Variants in FAM76A observed in about 807,000 individuals in gnomAD.
FAM76A encodes protein FAM76A.
A neutral mutation model predicts 46.2 loss-of-function variants in FAM76A; 32 were observed. The observed-to-expected ratio is 0.69, with a 90% CI of 0.52 to 0.93. The LOEUF (loss-of-function observed/expected upper bound fraction) is 0.93, where lower values mean the gene tolerates loss of function less well. Ranked by LOEUF, FAM76A falls within the 40% of genes least tolerant of loss-of-function variation. The pLI is 0.00. For synonymous variants in FAM76A, 137 were observed against 127.0 expected, an observed-to-expected ratio of 1.08 and a Z score of -0.53; for missense variants, 274 against 361.5, an observed-to-expected ratio of 0.76 and a Z score of 1.96.
At chr1:27,737,868 C>CAAAAA (rs71571865) in intron 4 of FAM76A, among the ~76,000 whole-genome samples, 17 of 62,698 alleles carry the variant, frequency 2.7e-4, no homozygotes, top group Non-Finnish European at 3.0e-4. Flanking sequence ...ACAACAACAA[C>CAAAAA]AAAAAAAAAA....
intron 6 of FAM76A, among the ~76,000 whole-genome samples, chr1:27,751,171 C>T (rs2088326124): frequency 6.6e-6 from 1 of 152,124 alleles, no homozygotes; most frequent in African/African-American, 2.4e-5. Flanking sequence ...GGGGAGATAA[C>T]TTTTTCCTTA....
rs2088130271 is a variant in FAM76A, at chr1:27,740,333, A to G, written c.355-4321A>G. 6.4e-6 allele frequency: 6 copies of G among 943,010 alleles called. No individual in the cohort carries two copies. The South Asian group carries it at 6.4e-5, about 10-fold the overall frequency. 58.4% of individuals were successfully genotyped at this position (943,010 alleles called of 1,614,324 possible). A position where few individuals can be genotyped will look rare whatever the true frequency, so the allele number is the denominator to read the frequency against. ...GAACTACAGTTGAGTATTTGGCACCATGGACTAATCAAATAGATACGGCCT... is the reference window on the plus strand; with the variant it reads ...GAACTACAGTTGAGTATTTGGCACCGTGGACTAATCAAATAGATACGGCCT... On this transcript the variant is annotated intron_variant, in intron 4 of 8. Transcript: ENST00000373954.
intron 4 of FAM76A, among the ~76,000 whole-genome samples, chr1:27,736,336 C>T (rs533791393): frequency 6.6e-6 from 1 of 151,852 alleles, no homozygotes; most frequent in African/African-American, 2.4e-5. Context: ...AAAAGGAAAG[C>T]GGGGAGGGTA....
intron 4 of FAM76A, among the ~76,000 whole-genome samples, chr1:27,738,470 C>CT (rs1320529227): frequency 6.6e-6 from 1 of 150,718 alleles, no homozygotes; most frequent in Non-Finnish European, 1.5e-5. Context: ...GAGCAAGACT[C>CT]TGTCTCAAAA....
chr1:27,760,272 G>T (rs1571504423), intron 8 of FAM76A: 2 of 419,274 alleles, frequency 4.8e-6, no homozygotes, highest in East Asian at 1.0e-4. Context: ...GTAACAGTGG[G>T]TCCCAAGAGA....
At chr1:27,750,896 C>G (rs979258158) in intron 6 of FAM76A, among the ~76,000 whole-genome samples, 1 of 152,238 alleles carries the variant, frequency 6.6e-6, no homozygotes, top group African/African-American at 2.4e-5. Context: ...TGACCAGGCA[C>G]AGTCGTTCAC....
At position 27,742,637 on chromosome 1, in the gene FAM76A, T is replaced by C. The variant is rs74830188; in HGVS notation, c.355-2017T>C. Among the ~76,000 whole-genome samples, 536 of 152,202 alleles carry C rather than the reference T, an allele frequency of 3.5e-3. 1 individual carries two copies. The highest frequency in any genetic ancestry group is 0.012 in the African/African-American group (511 of 41,528). ...TGTTGGCCAAAGGATTTCAGTTACA[T>C]AGGAGGAATAAGTTGAAGAGATCCA... On this transcript the variant is annotated intron_variant, in intron 4 of 8. Transcript: ENST00000373954.
intron 2 of FAM76A, among the ~76,000 whole-genome samples, chr1:27,728,958 T>C (rs1452525246): frequency 2.0e-5 from 3 of 150,298 alleles, no homozygotes; most frequent in Admixed American, 2.0e-4. Context: ...GGGGAAACTC[T>C]GTCTCAAAAA....
chr1:27,749,034 C>G, intron 5 of FAM76A, 34 bp from the exon 6 acceptor site: 1 of 1,398,234 alleles, frequency 7.2e-7, no homozygotes, highest in Non-Finnish European at 9.9e-7. Context: ...TCTTTGATTT[C>G]TAATGTGTGT....
intron 2 of FAM76A, among the ~76,000 whole-genome samples, chr1:27,730,870 C>T (rs1041734178): frequency 6.6e-6 from 1 of 151,826 alleles, no homozygotes; most frequent in African/African-American, 2.4e-5. Context: ...GGCTGGAGTG[C>T]GGTGGCACAA....
At chr1:27,732,267 C>G (rs1291371653) in intron 2 of FAM76A, among the ~76,000 whole-genome samples, 1 of 152,012 alleles carries the variant, frequency 6.6e-6, no homozygotes, top group African/African-American at 2.4e-5. Context: ...TTGTCTCTAT[C>G]AAAAATATAA....
At chr1:27,729,713 T>A (rs1463832656) in intron 2 of FAM76A, among the ~76,000 whole-genome samples, 1 of 152,210 alleles carries the variant, frequency 6.6e-6, no homozygotes, top group Non-Finnish European at 1.5e-5. Flanking sequence ...CTTAAACACT[T>A]CAGCATGCAC....
Position 27,749,466 on chromosome 1 carries a change from C to G in FAM76A, c.599+312C>G, listed in dbSNP as rs147562206. Among the ~76,000 whole-genome samples the G allele has an allele frequency of 5.5e-3, 835 of 152,272 alleles. 38 individuals carry two copies. The highest frequency in any genetic ancestry group is 0.048 in the Admixed American group (735 of 15,294). On this transcript the variant is annotated intron_variant, in intron 6 of 8. Transcript: ENST00000373954. ...CACTGCAACTTCTGTCTCCTGGGTTCGAGCAATTCTCATGCCTCAGTCTCC... is the reference window on the plus strand; with the variant it reads ...CACTGCAACTTCTGTCTCCTGGGTTGGAGCAATTCTCATGCCTCAGTCTCC...
chr1:27,748,694 G>A (rs1158867326), intron 5 of FAM76A, among the ~76,000 whole-genome samples: 2 of 150,956 alleles, frequency 1.3e-5, no homozygotes, highest in Admixed American at 6.6e-5. Context: ...TGTTAGCCAG[G>A]ATGGTCTCAA....
chr1:27,751,092 G>A (rs1231703294), intron 6 of FAM76A, among the ~76,000 whole-genome samples: 1 of 152,100 alleles, frequency 6.6e-6, no homozygotes, highest in Non-Finnish European at 1.5e-5. Context: ...AGTTGAGGCT[G>A]CAGTGAGCCA....
At chr1:27,745,710 A>T (rs1318837184) in intron 5 of FAM76A, among the ~76,000 whole-genome samples, 1 of 152,208 alleles carries the variant, frequency 6.6e-6, no homozygotes, top group Non-Finnish European at 1.5e-5. Flanking sequence ...TCAGGCAAGC[A>T]GGCTTGGAGA....
chr1:27,751,511 T>C (rs1056870202), intron 6 of FAM76A, among the ~76,000 whole-genome samples: 1 of 151,592 alleles, frequency 6.6e-6, no homozygotes, highest in Non-Finnish European at 1.5e-5. Context: ...TTTTTTTTTT[T>C]TTCTTTTTTT....
chr1:27,749,087 T>C lies in FAM76A; in HGVS notation c.532T>C (p.Ser178Pro). ...HYNSQKTLST[S>P]SIQNEIPKKK... ...TAAAAGCCAGAAAACACTTTCTACA[T>C]CTTCAATTCAAAATGAAATCCCAAA... Residue 178 changes from serine to proline, a missense_variant, in exon 6 of 9, where the codon TCT becomes CCT. Coordinates refer to ENST00000373954, the MANE Select transcript of FAM76A (RefSeq NM_152660.3). 1 of 1,604,146 alleles carries C rather than the reference T, an allele frequency of 6.2e-7. No homozygotes were observed. The highest frequency in any genetic ancestry group is 1.1e-5 in the South Asian group (1 of 88,390).
chr1:27,726,846 C>T (rs1234761224), intron 1 of FAM76A, among the ~76,000 whole-genome samples: 1 of 152,090 alleles, frequency 6.6e-6, no homozygotes, highest in African/African-American at 2.4e-5. Flanking sequence ...TGCTTTATCC[C>T]ACTTTTACTT....
Sources: gnomAD v4.1 joint callset for allele counts (sites outside exome capture counted in the v4.1 genomes callset) on GRCh38, gnomAD v4.1.1 for gene constraint, MANE v1.5 for transcripts, NCBI Gene and HGNC (gene_info 2026-07-23, HGNC 2026-07-21) for gene names.